Variants in SLC8A1 observed in about 807,000 individuals in gnomAD.
SLC8A1 encodes the protein solute carrier family 8 member A1, also known as sodium/calcium exchanger 1.
A neutral mutation model predicts 68.3 loss-of-function variants in SLC8A1; 18 were observed. That is an observed-to-expected ratio of 0.26 (90% CI 0.18 to 0.39). The LOEUF (loss-of-function observed/expected upper bound fraction) is 0.39. Ranked by LOEUF, SLC8A1 falls within the 10% of genes least tolerant of loss-of-function variation. The probability of loss-of-function intolerance (pLI) is 1.00; values close to 1 mark genes in which losing one functional copy is unlikely to be tolerated. For missense variants in SLC8A1, 985 were observed against 1,156.7 expected (o/e 0.85, Z 2.15); for synonymous variants, 475 against 415.5 (o/e 1.14, Z -1.74).
chr2:40,293,043 T>C (rs907567173), intron 2 of SLC8A1, among the ~76,000 whole-genome samples: 2 of 152,102 alleles, frequency 1.3e-5, no homozygotes, highest in Non-Finnish European at 2.9e-5. Context: ...TTAGAGTAGA[T>C]CTTATTTTGT....
At chr2:40,267,520 G>C (rs149525714) in intron 2 of SLC8A1, among the ~76,000 whole-genome samples, 2 of 152,260 alleles carry the variant, frequency 1.3e-5, no homozygotes, top group African/African-American at 4.8e-5. Flanking sequence ...TTAATTGCTT[G>C]TTTGCCTCAA....
chr2:40,231,388 T>G (rs1275916113), intron 2 of SLC8A1, among the ~76,000 whole-genome samples: 1 of 152,140 alleles, frequency 6.6e-6, no homozygotes, highest in Non-Finnish European at 1.5e-5. Flanking sequence ...GTCTTTAGGG[T>G]TGCTCAGGAT....
rs577932286 is a variant in SLC8A1, at chr2:40,251,530, T to C, written c.1809-73675A>G. On this transcript the variant is annotated intron_variant, in intron 2 of 7. Coordinates refer to ENST00000406785, the Ensembl canonical transcript of SLC8A1. The stretch of plus-strand genomic sequence containing the variant: ...AGACCAGGGCTCACATCTTAGTAAA[T>C]CACCTGTAAATAAAGCTTGTAAGGC... 3.3e-5 allele frequency: 5 copies of C among 152,308 alleles called. No individual in the cohort carries two copies. The South Asian group carries it at 8.3e-4, about 25-fold the overall frequency. The allele number at this position is 152,308 out of a possible 1,614,324, so 9.4% of individuals were successfully genotyped here.
chr2:40,193,901 G>A (rs759841331), intron 2 of SLC8A1, among the ~76,000 whole-genome samples: 2 of 152,098 alleles, frequency 1.3e-5, no homozygotes, highest in Non-Finnish European at 2.9e-5. Context: ...GTCTAGATCT[G>A]TCAAAGCTGA....
chr2:40,318,190 C>T (rs1273294868), intron 2 of SLC8A1, among the ~76,000 whole-genome samples: 4 of 152,052 alleles, frequency 2.6e-5, no homozygotes, highest in Non-Finnish European at 4.4e-5. Flanking sequence ...AAGTCATAAT[C>T]ATCCAGTGAT....
chr2:40,394,432 T>C (rs1686270094), intron 2 of SLC8A1, among the ~76,000 whole-genome samples: 1 of 151,844 alleles, frequency 6.6e-6, no homozygotes. Context: ...TTCTTTGTGG[T>C]TTTTCTGTTA....
chr2:40,493,200 A>G (rs1028814440), intron 1 of SLC8A1, among the ~76,000 whole-genome samples: 73 of 152,224 alleles, frequency 4.8e-4, no homozygotes, highest in African/African-American at 1.7e-3. Context: ...TCGTAGGGAC[A>G]TGGATGGAAT....
chr2:40,319,871 C>T (rs2074970899), intron 2 of SLC8A1, among the ~76,000 whole-genome samples: 1 of 152,056 alleles, frequency 6.6e-6, no homozygotes, highest in Admixed American at 6.6e-5. Context: ...TTTGCTCCTC[C>T]TTCTGTGGAG....
intron 1 of SLC8A1, chr2:40,446,735 C>T (rs1049921646): frequency 2.0e-5 from 3 of 152,206 alleles, no homozygotes; most frequent in African/African-American, 7.2e-5. Flanking sequence ...CAAGTTATTT[C>T]ACTGAACCAT....
rs1332661789 is a variant in SLC8A1, at chr2:40,099,822, A to T, written c.*15431T>A. 7 of 152,086 alleles carry T rather than the reference A, an allele frequency of 4.6e-5. No homozygotes were observed. In the East Asian group the frequency reaches 7.7e-4, roughly 17 times the overall value. 9.4% of individuals were successfully genotyped at this position (152,086 alleles called of 1,614,324 possible). Reference sequence around the variant, plus strand: ...GCCATCAGTAACCATCAAAGGCAAGAGAAGTCCTAGATTCATTTCCTACCT... The same window carrying T: ...GCCATCAGTAACCATCAAAGGCAAGTGAAGTCCTAGATTCATTTCCTACCT... On this transcript the variant is annotated 3_prime_UTR_variant, in exon 8 of 8. Transcript: ENST00000406785.
intron 7 of SLC8A1, among the ~76,000 whole-genome samples, chr2:40,122,754 G>C (rs2037200632): frequency 6.6e-6 from 1 of 152,142 alleles, no homozygotes; most frequent in Admixed American, 6.5e-5. Context: ...GATTAACTGA[G>C]GTAATGATGT....
In SLC8A1 at chr2:40,352,124, T is replaced by C. The variant is rs575676427; in HGVS notation, c.1808+76349A>G. ...TGGAAATAAATAGATTAATGCTTCG[T>C]ATTTATCCAGTTTTCTTCTTTTAAA... On this transcript the variant is annotated intron_variant, in intron 2 of 7. Transcript: ENST00000406785. Among the ~76,000 whole-genome samples the C allele has an allele frequency of 2.6e-5, 4 of 152,338 alleles. No homozygotes were observed. In the South Asian group the frequency reaches 8.3e-4, roughly 32 times the overall value.
At chr2:40,235,242 G>C (rs1411654564) in intron 2 of SLC8A1, among the ~76,000 whole-genome samples, 1 of 152,094 alleles carries the variant, frequency 6.6e-6, no homozygotes, top group Non-Finnish European at 1.5e-5. Context: ...ACTCTTTTTG[G>C]TTGGTAAGCT....
At chr2:40,253,082 A>C (rs1212926052) in intron 2 of SLC8A1, among the ~76,000 whole-genome samples, 4 of 130,024 alleles carry the variant, frequency 3.1e-5, no homozygotes, top group Admixed American at 1.7e-4. Context: ...ATATGTGTAT[A>C]AATGTATATA....
intron 1 of SLC8A1, among the ~76,000 whole-genome samples, chr2:40,480,361 A>G (rs1316944827): frequency 6.6e-6 from 1 of 152,166 alleles, no homozygotes; most frequent in Non-Finnish European, 1.5e-5. Flanking sequence ...TGTCTTCATT[A>G]AAGGGATTAG....
intron 2 of SLC8A1, among the ~76,000 whole-genome samples, chr2:40,268,273 GT>G (rs1442378026): frequency 6.6e-6 from 1 of 151,894 alleles, no homozygotes; most frequent in Non-Finnish European, 1.5e-5. Flanking sequence ...GTGATTCCTG[GT>G]CCCTACACCA....
rs531656316 is a variant in SLC8A1, at chr2:40,135,311, G to T, written c.2437+4090C>A. On this transcript the variant is annotated intron_variant, in intron 7 of 7. Transcript: ENST00000406785. ...GATCTCTAGCAGAAGCAGGGAGACA[G>T]ATAGGAGGCTACTGCAGAGATATGG... Among the ~76,000 whole-genome samples the T allele has an allele frequency of 2.1e-3, 313 of 152,336 alleles. 1 individual carries two copies. The highest frequency in any genetic ancestry group is 3.6e-3 in the Non-Finnish European group (248 of 68,032).
At chr2:40,469,410 C>T (rs920814836) in intron 1 of SLC8A1, among the ~76,000 whole-genome samples, 11 of 152,134 alleles carry the variant, frequency 7.2e-5, no homozygotes, top group African/African-American at 2.7e-4. Flanking sequence ...GCTTTGCCTT[C>T]CATCATGACT....
intron 2 of SLC8A1, among the ~76,000 whole-genome samples, chr2:40,212,160 G>C (rs1235883181): frequency 6.6e-6 from 1 of 151,808 alleles, no homozygotes; most frequent in African/African-American, 2.4e-5. Context: ...GGCCCAGAGA[G>C]AGAGACAGAG....
Sources: gnomAD v4.1 joint callset for allele counts (sites outside exome capture counted in the v4.1 genomes callset) on GRCh38, gnomAD v4.1.1 for gene constraint, MANE v1.5 for transcripts, NCBI Gene and HGNC (gene_info 2026-07-23, HGNC 2026-07-21) for gene names.